The following PIEZO2 variants were observed in gnomAD, a reference collection of about 807,000 sequenced individuals.
The protein encoded by PIEZO2 is piezo type mechanosensitive ion channel component 2.
A neutral mutation model predicts 337.3 loss-of-function variants in PIEZO2; 172 were observed. That is an observed-to-expected ratio of 0.51 (90% CI 0.45 to 0.58). The LOEUF is 0.58. Among genes scored for constraint, PIEZO2 ranks in the 20% least tolerant of loss-of-function variants. The probability of loss-of-function intolerance (pLI) is 0.00; values close to 1 mark genes in which losing one functional copy is unlikely to be tolerated. For missense variants in PIEZO2, 3,028 were observed against 3,391.3 expected, an observed-to-expected ratio of 0.89 and a Z score of 2.66; for synonymous variants, 1,251 against 1,228.5, an observed-to-expected ratio of 1.02 and a Z score of -0.38.
chr18:10,904,082 T>C (rs1450313971), intron 4 of PIEZO2, among the ~76,000 whole-genome samples: 1 of 152,200 alleles, frequency 6.6e-6, no homozygotes, highest in African/African-American at 2.4e-5. Flanking sequence ...TGTGTAAACA[T>C]AAAATATAAT....
rs3034956 is a variant in PIEZO2 at position 10,766,251 on chromosome 18, GGAA to G, written c.2947-3156_2947-3154del. 0.81 allele frequency among the ~76,000 whole-genome samples: 120,364 copies of G among 149,224 alleles called. 48,686 individuals carry two copies. The highest frequency in any genetic ancestry group is 0.91 in the East Asian group (4,500 of 4,938). On this transcript the variant is annotated intron_variant, in intron 21 of 55. Coordinates refer to ENST00000674853, the MANE Select transcript of PIEZO2 (RefSeq NM_001378183.1). The surrounding 1 kb of genome is among the most constrained non-coding windows in gnomAD (Gnocchi z 6.1). ...GGAACAGGAGGAGGAGGAGGGATAA[GGAA>G]GAAGAAGAGGAAGGAGAAAAGGGGA...
chr18:10,914,210 T>C (rs1355437924), intron 3 of PIEZO2, among the ~76,000 whole-genome samples: 2 of 152,156 alleles, frequency 1.3e-5, no homozygotes, highest in Admixed American at 1.3e-4. Flanking sequence ...GCTGGCAGAC[T>C]TCCTTGATTC....
chr18:11,084,780 G>A (rs887701818), intron 1 of PIEZO2, among the ~76,000 whole-genome samples: 1 of 152,180 alleles, frequency 6.6e-6, no homozygotes, highest in African/African-American at 2.4e-5. Context: ...TTTGAGACAC[G>A]ACAGAAGGAA....
intron 7 of PIEZO2, among the ~76,000 whole-genome samples, chr18:10,835,109 C>T (rs1341463268): frequency 6.6e-6 from 1 of 152,132 alleles, no homozygotes; most frequent in Non-Finnish European, 1.5e-5. Flanking sequence ...GGAAGAGGGC[C>T]CTTGCCAGGC....
At chr18:10,674,620 G>A (rs2033912889) in intron 54 of PIEZO2, among the ~76,000 whole-genome samples, 3 of 152,246 alleles carry the variant, frequency 2.0e-5, no homozygotes, top group Non-Finnish European at 4.4e-5. Flanking sequence ...CCATGTTGGA[G>A]AATGAATTAA....
rs1221435743 is a variant in PIEZO2, at chr18:10,942,628, C to T, written c.287-31400G>A. ...AGAAGAGAAGCAGAGCACAAAAGTTCGGAAAATTTGCAGCCTGACAATGCA... is the reference window on the plus strand; with the variant it reads ...AGAAGAGAAGCAGAGCACAAAAGTTTGGAAAATTTGCAGCCTGACAATGCA... On this transcript the variant is annotated intron_variant, in intron 3 of 55. Coordinates refer to ENST00000674853, the MANE Select transcript of PIEZO2 (RefSeq NM_001378183.1). This position sits in a 1 kb window ranked among gnomAD's most constrained non-coding sequence, Gnocchi z 4.4. 2.6e-5 allele frequency among the ~76,000 whole-genome samples: 4 copies of T among 152,068 alleles called. No homozygotes were observed. Among genetic ancestry groups the T allele is most frequent in the African/African-American group, 7.2e-5 (3 of 41,404 alleles).
intron 33 of PIEZO2, chr18:10,740,791 G>A (rs1201364424): frequency 1.4e-5 from 9 of 652,726 alleles, no homozygotes; most frequent in African/African-American, 1.8e-5. Context: ...TATAAGCCAC[G>A]TGTTTGGCTT....
intron 3 of PIEZO2, among the ~76,000 whole-genome samples, chr18:10,916,706 G>A (rs1259896253): frequency 3.9e-5 from 6 of 152,104 alleles, no homozygotes; most frequent in Non-Finnish European, 8.8e-5. Context: ...CTGCAGCCTC[G>A]GCCAGCCCAG....
intron 5 of PIEZO2, among the ~76,000 whole-genome samples, chr18:10,858,049 C>T (rs1296526105): frequency 1.4e-5 from 2 of 145,858 alleles, no homozygotes; most frequent in East Asian, 2.0e-4. Context: ...TGGCTGGGTG[C>T]GGTGGCTGAC....
rs112982077 is a variant in PIEZO2, at chr18:10,704,450, A to G, written c.6202T>C (p.Leu2068=). 2,128 of 1,537,226 alleles carry G rather than the reference A, an allele frequency of 1.4e-3. 33 individuals carry two copies. The African/African-American group carries it at 0.024, about 17-fold the overall frequency. ...CGGCGGCTGGGCCTGGGGACGGACA[A>G]CATGGCCCAGAGGAAGATGAGGATG... ...LPILIFLWAM[L]SVPRPSRRFW... is the part of the protein sequence containing the mutation. Residue 2068 remains leucine, a synonymous_variant, in exon 42 of 56, where the codon TTG becomes CTG. Coordinates refer to ENST00000674853, the MANE Select transcript of PIEZO2 (RefSeq NM_001378183.1).
chr18:11,119,703 C>A (rs1048768033), intron 1 of PIEZO2, among the ~76,000 whole-genome samples: 3 of 152,158 alleles, frequency 2.0e-5, no homozygotes, highest in African/African-American at 7.2e-5. Context: ...CTGAGTGTAG[C>A]CCTTTGTTCC....
rs560033426 is a variant in PIEZO2 at position 11,110,243 on chromosome 18, A to T, written c.64+38282T>A. Among the ~76,000 whole-genome samples, 34 of 152,240 alleles carry T rather than the reference A, an allele frequency of 2.2e-4. No individual in the cohort carries two copies. Among genetic ancestry groups the T allele is most frequent in the Admixed American group, 3.9e-4 (6 of 15,286 alleles). ...GGCCATCCTTCCACCTCAGCGTCCC[A>T]AAGTGCTGGGACTACAGGTGCAAGC... On this transcript the variant is annotated intron_variant, in intron 1 of 55. Coordinates refer to ENST00000674853, the MANE Select transcript of PIEZO2 (RefSeq NM_001378183.1). The surrounding 1 kb of genome is among the most constrained non-coding windows in gnomAD (Gnocchi z 4.2).
At chr18:10,788,352 T>G (rs141112795) in intron 15 of PIEZO2, among the ~76,000 whole-genome samples, 199 of 142,166 alleles carry the variant, frequency 1.4e-3, no homozygotes, top group African/African-American at 4.8e-3. Context: ...CAGTGAGCAA[T>G]GAGCAGAGAT....
At position 10,726,449 on chromosome 18, in the gene PIEZO2, G is replaced by C; in HGVS notation, c.5029+4958C>G. 3.9e-6 allele frequency: 6 copies of C among 1,529,708 alleles called. No homozygotes were observed. Among genetic ancestry groups the C allele is most frequent in the Non-Finnish European group, 5.2e-6 (6 of 1,144,892 alleles). 94.8% of individuals were successfully genotyped at this position (1,529,708 alleles called of 1,614,324 possible). A position where few individuals can be genotyped will look rare whatever the true frequency, so the allele number is the denominator to read the frequency against. On this transcript the variant is annotated intron_variant, in intron 36 of 55. Coordinates refer to ENST00000674853, the MANE Select transcript of PIEZO2 (RefSeq NM_001378183.1). The surrounding 1 kb of genome is among the most constrained non-coding windows in gnomAD (Gnocchi z 5.9). ...GCCGGCTGCGGTACGGGCTACGGCC[G>C]GCGAACCCCACGAGGAGGGCCTGGC...
At position 10,837,900 on chromosome 18, in the gene PIEZO2, T is replaced by TC. The variant is rs2041067795; in HGVS notation, c.917+17452_917+17453insG. ...CCGAGTAGCTGGGATTACTGGTGCC[T>TC]GCCACCATGCCCGGCTAATTTTTGT... On this transcript the variant is annotated intron_variant, in intron 7 of 55. Transcript: ENST00000674853. This position sits in a 1 kb window ranked among gnomAD's most constrained non-coding sequence, Gnocchi z 4.4. Among the ~76,000 whole-genome samples the TC allele has an allele frequency of 6.6e-6, 1 of 152,084 alleles. No individual in the cohort carries two copies.
In PIEZO2 at chr18:10,677,832, G is replaced by T. The variant is rs768563061; in HGVS notation, c.7996C>A (p.Leu2666Ile). ...GAKSEIATDK[L>I]SFPLKNITRK... ...GTAATATTTTTAAGAGGAAAAGAAA[G>T]CTTATCTGTTGCTATTTCCGATTTT... The change falls in exon 53 of 56, where the codon CTT (leucine) becomes ATT (isoleucine). Residue 2666 changes from leucine (L) to isoleucine (I), a missense_variant. By Grantham distance (5) the Leu-to-Ile change is conservative. Around this residue, in one of 5 missense-constraint regions of PIEZO2, gnomAD observed 332 missense variants for 363.8 expected, o/e 0.91. Transcript: ENST00000674853. This position sits in a 1 kb window ranked among gnomAD's most constrained non-coding sequence, Gnocchi z 4.1. 1 of 1,607,626 alleles carries T rather than the reference G, an allele frequency of 6.2e-7. No individual in the cohort carries two copies. The highest frequency in any genetic ancestry group is 1.7e-5 in the Admixed American group (1 of 58,774).
Position 10,877,356 on chromosome 18 carries a change from T to G in PIEZO2, c.330-5941A>C, listed in dbSNP as rs1257595290. Among the ~76,000 whole-genome samples, 1 of 152,218 alleles carries G rather than the reference T, an allele frequency of 6.6e-6. No homozygotes were observed. The highest frequency in any genetic ancestry group is 1.5e-5 in the Non-Finnish European group (1 of 68,038). On this transcript the variant is annotated intron_variant, in intron 4 of 55. Coordinates refer to ENST00000674853, the MANE Select transcript of PIEZO2 (RefSeq NM_001378183.1). The surrounding 1 kb of genome is among the most constrained non-coding windows in gnomAD (Gnocchi z 5.3). Reference sequence around the variant, plus strand: ...ATGAAATAGTGTTAGATTAAATTTTTAAGAAATGGTTTTAAGGGCAAATAA... The same window carrying G: ...ATGAAATAGTGTTAGATTAAATTTTGAAGAAATGGTTTTAAGGGCAAATAA...
intron 2 of PIEZO2, among the ~76,000 whole-genome samples, chr18:10,983,988 T>G (rs1160417784): frequency 6.6e-6 from 1 of 152,148 alleles, no homozygotes; most frequent in East Asian, 1.9e-4. Flanking sequence ...ATAAGAAGAA[T>G]GGAGCAGGTG....
At position 10,780,482 on chromosome 18, in the gene PIEZO2, A is replaced by T. The variant is rs535477690; in HGVS notation, c.2493-116T>A. ...GGACTCCCTTAAGCTTCCTAGCATC[A>T]AGTGTAGCCACCCTCACAGGCTTCA... On this transcript the variant is annotated intron_variant, in intron 17 of 55. Coordinates refer to ENST00000674853, the MANE Select transcript of PIEZO2 (RefSeq NM_001378183.1). The T allele has an allele frequency of 4.6e-6, 3 of 657,086 alleles. No homozygotes were observed. The African/African-American group carries it at 5.4e-5, about 12-fold the overall frequency. The allele number at this position is 657,086 out of a possible 1,614,324, so 40.7% of individuals were successfully genotyped here.
Sources: gnomAD v4.1 joint callset for allele counts (sites outside exome capture counted in the v4.1 genomes callset) on GRCh38, gnomAD v4.1.1 for gene constraint, gnomAD v4.1.1 regional missense constraint, Gnocchi (gnomAD v3.1) non-coding constraint, MANE v1.5 for transcripts, NCBI Gene and HGNC (gene_info 2026-07-23, HGNC 2026-07-21) for gene names.